Variants in TMEM272 observed in about 807,000 individuals in gnomAD.
The protein encoded by TMEM272 is long intergenic non-protein coding RNA 282.
Under a neutral mutation model 3.7 loss-of-function variants are expected in TMEM272, and 8 were observed. The ratio of observed to expected loss-of-function variants is 2.17; its 90% CI spans 1.27 to 3.91. TMEM272 has a LOEUF of 3.91. Ranked by LOEUF, TMEM272 falls within the 30% of genes most tolerant of loss-of-function variation. The probability of loss-of-function intolerance (pLI) is 0.00; values close to 1 mark genes in which losing one functional copy is unlikely to be tolerated. For missense variants in TMEM272, 166 were observed against 91.5 expected, an observed-to-expected ratio of 1.81 and a Z score of -3.32; for synonymous variants, 63 against 39.8, an observed-to-expected ratio of 1.58 and a Z score of -2.20.
chr13:51,878,307 G>A, the TMEM272 span, among the ~76,000 whole-genome samples: 1 of 152,168 alleles, frequency 6.6e-6, no homozygotes, highest in African/African-American at 2.4e-5. Flanking sequence ...GCAGGCACCT[G>A]TAGTCTCAGG....
At chr13:51,873,651 C>T in the TMEM272 span, among the ~76,000 whole-genome samples, 1 of 152,184 alleles carries the variant, frequency 6.6e-6, no homozygotes, top group African/African-American at 2.4e-5. Context: ...TTGCATGTGT[C>T]ACTACAGTAA....
upstream of TMEM272, among the ~76,000 whole-genome samples, chr13:51,845,600 T>C (rs1956298845): frequency 6.6e-6 from 1 of 152,162 alleles, no homozygotes; most frequent in Admixed American, 6.5e-5. Context: ...GACGGCCAGA[T>C]CTGAGATAGA....
chr13:51,888,639 C>CTTTTTTTTTTTTTTTTTTTTTTTTT, the TMEM272 span, among the ~76,000 whole-genome samples: 3 of 76,794 alleles, frequency 3.9e-5, no homozygotes, highest in African/African-American at 4.9e-5. Flanking sequence ...TTTTCTTTTT[C>CTTTTTTTTTTTTTTTTTTTTTTTTT]TTTTTTTTTT....
intron 3 of TMEM272, 148 bp downstream of exon 3, chr13:51,826,418 C>T: frequency 1.6e-6 from 1 of 617,686 alleles, no homozygotes; most frequent in South Asian, 1.9e-5. Flanking sequence ...TTCACCAAGT[C>T]ATTCTGAGAT....
At chr13:51,834,916 A>C (rs920059573) in intron 2 of TMEM272, among the ~76,000 whole-genome samples, 2 of 152,242 alleles carry the variant, frequency 1.3e-5, no homozygotes, top group African/African-American at 4.8e-5. Flanking sequence ...GGGTGGCAGC[A>C]GGCTGCAGGG....
At chr13:51,906,763 C>G in the TMEM272 span, among the ~76,000 whole-genome samples, 1 of 152,226 alleles carries the variant, frequency 6.6e-6, no homozygotes, top group South Asian at 2.1e-4. Context: ...GAGACAGCAA[C>G]CCAAAGCCAT....
chr13:51,902,708 C>T, the TMEM272 span, among the ~76,000 whole-genome samples: 1 of 152,236 alleles, frequency 6.6e-6, no homozygotes, highest in Admixed American at 6.5e-5. Flanking sequence ...CTGTGGGCAA[C>T]CTCCTGAGAA....
the TMEM272 span, among the ~76,000 whole-genome samples, chr13:51,864,499 TTCTC>T: frequency 6.6e-6 from 1 of 152,380 alleles, no homozygotes; most frequent in East Asian, 1.9e-4. Context: ...CTGATCCTGC[TTCTC>T]TCTTTCAGCA....
the TMEM272 span, chr13:51,866,116 C>T: frequency 6.7e-7 from 1 of 1,501,712 alleles, no homozygotes; most frequent in East Asian, 2.3e-5. Context: ...GGTCCAGACT[C>T]CCCTGGGTTG....
chr13:51,878,276 A>G, the TMEM272 span, among the ~76,000 whole-genome samples: 1 of 152,204 alleles, frequency 6.6e-6, no homozygotes. Flanking sequence ...TAAAAATACA[A>G]AAAATTAGCC....
the TMEM272 span, among the ~76,000 whole-genome samples, chr13:51,860,843 A>G: frequency 4.1e-3 from 424 of 102,900 alleles, 2 homozygotes; most frequent in East Asian, 0.011. Flanking sequence ...GTGTGTGTAT[A>G]TATATGTATA....
chr13:51,896,185 ACT>A, the TMEM272 span, among the ~76,000 whole-genome samples: 11 of 152,234 alleles, frequency 7.2e-5, no homozygotes, highest in East Asian at 9.7e-4. Flanking sequence ...GGGAAATGTA[ACT>A]CTCAGCCTAC....
chr13:51,824,402 T>C (rs1219033033), intron 3 of TMEM272, among the ~76,000 whole-genome samples: 1 of 152,230 alleles, frequency 6.6e-6, no homozygotes, highest in Non-Finnish European at 1.5e-5. Flanking sequence ...TTAACCATAT[T>C]TAAGTGTACA....
the TMEM272 span, among the ~76,000 whole-genome samples, chr13:51,874,541 T>C: frequency 6.6e-6 from 1 of 152,120 alleles, no homozygotes; most frequent in Non-Finnish European, 1.5e-5. Context: ...TAGGCGCTTC[T>C]CATCCTGCCC....
At chr13:51,910,985 G>A in the TMEM272 span, among the ~76,000 whole-genome samples, 13 of 152,324 alleles carry the variant, frequency 8.5e-5, no homozygotes, top group Middle Eastern at 3.4e-3. Flanking sequence ...GGTGAGGCCA[G>A]CAGAAGAAAC....
At chr13:51,877,829 A>G in the TMEM272 span, among the ~76,000 whole-genome samples, 5 of 152,210 alleles carry the variant, frequency 3.3e-5, no homozygotes, top group Non-Finnish European at 7.3e-5. Flanking sequence ...AATTTTAAGA[A>G]ACTTAAAATT....
the TMEM272 span, among the ~76,000 whole-genome samples, chr13:51,864,047 G>A: frequency 6.6e-6 from 1 of 152,096 alleles, no homozygotes; most frequent in Non-Finnish European, 1.5e-5. Context: ...TCAGATATAT[G>A]GCAATGTTTG....
chr13:51,908,902 A>T, the TMEM272 span: 1 of 1,408,950 alleles, frequency 7.1e-7, no homozygotes, highest in Non-Finnish European at 1.0e-6. Context: ...TCACAGCTTG[A>T]TTCTCCTCTT....
At chr13:51,908,679 A>AT in the TMEM272 span, 1 of 1,475,526 alleles carries the variant, frequency 6.8e-7, no homozygotes, top group Non-Finnish European at 9.5e-7. Context: ...TGACCCATCC[A>AT]TTTTATCCAA....
Sources: allele counts gnomAD v4.1 joint callset (sites outside exome capture counted in the v4.1 genomes callset), GRCh38; gene constraint gnomAD v4.1.1; transcripts MANE v1.5; gene names NCBI Gene and HGNC (gene_info 2026-07-23, HGNC 2026-07-21).